Variants in CLVS1 observed in about 807,000 individuals in gnomAD.
The protein encoded by CLVS1 is clavesin 1.
A neutral mutation model predicts 33.1 loss-of-function variants in CLVS1; 10 were observed. The observed-to-expected ratio is 0.30, with a 90% CI of 0.19 to 0.51. The LOEUF (loss-of-function observed/expected upper bound fraction) is 0.51. Among genes scored for constraint, CLVS1 ranks in the 20% least tolerant of loss-of-function variants. The probability of loss-of-function intolerance (pLI) is 0.97; values close to 1 mark genes in which losing one functional copy is unlikely to be tolerated. For missense variants in CLVS1, 343 were observed against 433.4 expected (o/e 0.79, Z 1.85); for synonymous variants, 163 against 166.1 (o/e 0.98, Z 0.14).
At chr8:61,068,684 A>G (rs1804731375) in intron 1 of CLVS1, among the ~76,000 whole-genome samples, 1 of 152,046 alleles carries the variant, frequency 6.6e-6, no homozygotes, top group South Asian at 2.1e-4. Context: ...ACCTACACCC[A>G]TGTCCCTGCT....
chr8:61,310,470 G>T (rs973004960), intron 2 of CLVS1, among the ~76,000 whole-genome samples: 1 of 152,090 alleles, frequency 6.6e-6, no homozygotes, highest in African/African-American at 2.4e-5. Context: ...CTTATCACTG[G>T]AACTCATTCA....
intron 2 of CLVS1, among the ~76,000 whole-genome samples, chr8:61,320,992 TA>T (rs955870456): frequency 7.2e-5 from 11 of 152,202 alleles, no homozygotes; most frequent in Middle Eastern, 3.4e-3. Flanking sequence ...TTCATTCACT[TA>T]AAAAAAACTA....
At chr8:60,976,684 G>A in the CLVS1 span, among the ~76,000 whole-genome samples, 1 of 152,260 alleles carries the variant, frequency 6.6e-6, no homozygotes, top group Non-Finnish European at 1.5e-5. Flanking sequence ...GAACATTCAG[G>A]TGAGAGCTTG....
chr8:61,164,210 A>G (rs1220668763), intron 2 of CLVS1, among the ~76,000 whole-genome samples: 2 of 152,310 alleles, frequency 1.3e-5, no homozygotes, highest in East Asian at 3.9e-4. Flanking sequence ...CACCTTCCCC[A>G]ACTAGGCGTA....
chr8:61,235,497 T>A (rs1448943745), intron 2 of CLVS1, among the ~76,000 whole-genome samples: 1 of 152,358 alleles, frequency 6.6e-6, no homozygotes, highest in East Asian at 1.9e-4. Context: ...AATAGTTTTT[T>A]GTTTTATTCA....
intron 2 of CLVS1, among the ~76,000 whole-genome samples, chr8:61,252,817 A>C (rs985187688): frequency 1.3e-5 from 2 of 152,096 alleles, no homozygotes; most frequent in Non-Finnish European, 2.9e-5. Context: ...GTGTGTCTTT[A>C]AACGTGAGAT....
At chr8:61,437,846 C>T (rs1473116225) in intron 3 of CLVS1, among the ~76,000 whole-genome samples, 3 of 152,102 alleles carry the variant, frequency 2.0e-5, no homozygotes, top group African/African-American at 7.2e-5. Flanking sequence ...CCTTAAAGTC[C>T]CACATGAAGA....
Position 61,262,827 on chromosome 8 carries a change from C to T in CLVS1, c.-151-36850C>T, listed in dbSNP as rs144964912. On this transcript the variant is annotated intron_variant, in intron 2 of 2. Coordinates refer to the CLVS1 transcript ENST00000522621. ...TGACTTGCCCTTTCTTGCCTGAGGT[C>T]TACCAGGAGATTCAGAGCTACAGCA... is the stretch of plus-strand genomic sequence containing the variant. Among the ~76,000 whole-genome samples, 1,213 of 152,224 alleles carry T rather than the reference C, an allele frequency of 8.0e-3. 16 individuals carry two copies. Among genetic ancestry groups the T allele is most frequent in the African/African-American group, 0.027 (1,128 of 41,534 alleles).
chr8:61,284,861 A>C (rs544971185), upstream of CLVS1, among the ~76,000 whole-genome samples: 1 of 152,342 alleles, frequency 6.6e-6, no homozygotes, highest in African/African-American at 2.4e-5. Flanking sequence ...CTCAAAGAAG[A>C]GATCAGGTAA....
chr8:61,087,370 T>A (rs1199901831), intron 1 of CLVS1, among the ~76,000 whole-genome samples: 1 of 152,166 alleles, frequency 6.6e-6, no homozygotes, highest in Non-Finnish European at 1.5e-5. Flanking sequence ...AAGGGATCCT[T>A]GAGGGAGTCA....
intron 1 of CLVS1, among the ~76,000 whole-genome samples, chr8:61,093,469 C>T (rs1805290853): frequency 6.6e-6 from 1 of 152,142 alleles, no homozygotes; most frequent in Non-Finnish European, 1.5e-5. Context: ...AAAAAGATTG[C>T]TCATTATAAT....
In CLVS1 at chr8:61,500,607, C is replaced by CCAA. The variant is rs1440955721; in HGVS notation, c.*1067_*1069dup. ...CCTAGTCTCCTTAGAAATGGAGTCC[C>CCAA]CAACTACTCATTCAAAAGAAATCAG... On this transcript the variant is annotated 3_prime_UTR_variant, in exon 6 of 6. Transcript: ENST00000325897. 1.3e-5 allele frequency: 2 copies of CCAA among 150,924 alleles called. No individual in the cohort carries two copies. The highest frequency in any genetic ancestry group is 2.9e-5 in the Non-Finnish European group (2 of 67,970). 9.3% of individuals were successfully genotyped at this position (150,924 alleles called of 1,614,324 possible).
At chr8:61,058,575 G>A (rs1340303990) in intron 1 of CLVS1, among the ~76,000 whole-genome samples, 1 of 152,154 alleles carries the variant, frequency 6.6e-6, no homozygotes, top group African/African-American at 2.4e-5. Context: ...CCACAAATGT[G>A]GAAAGTGTAC....
At chr8:61,372,898 T>C (rs1813496632) in intron 2 of CLVS1, among the ~76,000 whole-genome samples, 1 of 152,166 alleles carries the variant, frequency 6.6e-6, no homozygotes. Flanking sequence ...ATAAATACAG[T>C]CAACATGATG....
chr8:61,213,624 C>A (rs138083271), intron 2 of CLVS1, among the ~76,000 whole-genome samples: 2 of 152,020 alleles, frequency 1.3e-5, no homozygotes, highest in Non-Finnish European at 2.9e-5. Context: ...CCAATCAATA[C>A]CCTTGTGATT....
At chr8:61,456,843 G>A (rs1187937747) in intron 4 of CLVS1, among the ~76,000 whole-genome samples, 5 of 151,620 alleles carry the variant, frequency 3.3e-5, no homozygotes, top group East Asian at 2.0e-4. Flanking sequence ...GCATGAACCT[G>A]GGAGGGGGAG....
chr8:61,077,589 C>A (rs1173485345), intron 1 of CLVS1, among the ~76,000 whole-genome samples: 1 of 151,930 alleles, frequency 6.6e-6, no homozygotes, highest in Non-Finnish European at 1.5e-5. Flanking sequence ...GATTCTCTTG[C>A]CTCAGCCTCC....
At chr8:61,115,633 T>C (rs1289929597) in intron 1 of CLVS1, among the ~76,000 whole-genome samples, 2 of 152,030 alleles carry the variant, frequency 1.3e-5, no homozygotes, top group Non-Finnish European at 2.9e-5. Context: ...TGTTTGGTTT[T>C]TTGTTCTTGC....
rs183070859 is a variant in CLVS1 at position 61,313,090 on chromosome 8, T to C, written c.455+12808T>C. On this transcript the variant is annotated intron_variant, in intron 2 of 5. Coordinates refer to ENST00000325897, the MANE Select transcript of CLVS1 (RefSeq NM_173519.3). ...GCTCTTCCCACCTTCGCGTATACAGTTCCTCCCATTCAGTCTTCATTCTTA... is the reference window on the plus strand; with the variant it reads ...GCTCTTCCCACCTTCGCGTATACAGCTCCTCCCATTCAGTCTTCATTCTTA... 5.1e-4 allele frequency among the ~76,000 whole-genome samples: 78 copies of C among 152,268 alleles called. 1 individual carries two copies. Among genetic ancestry groups the C allele is most frequent in the Admixed American group, 3.1e-3 (48 of 15,288 alleles).
Sources: allele counts gnomAD v4.1 joint callset (sites outside exome capture counted in the v4.1 genomes callset), GRCh38; gene constraint gnomAD v4.1.1; transcripts MANE v1.5; gene names NCBI Gene and HGNC (gene_info 2026-07-23, HGNC 2026-07-21).